The following MYH16 variants were observed in gnomAD, a reference collection of about 807,000 sequenced individuals.
MYH16 encodes the protein putative uncharacterized protein MYH16.
chr7:99,288,943 C>A (rs1792327080), intron 29 of MYH16, among the ~76,000 whole-genome samples: 1 of 152,022 alleles, frequency 6.6e-6, no homozygotes, highest in African/African-American at 2.4e-5. Context: ...GAAACCCTGT[C>A]TCTACAAAAA....
chr7:99,250,115 G>C (rs1366458783), intron 5 of MYH16: 3 of 152,656 alleles, frequency 2.0e-5, no homozygotes, highest in African/African-American at 7.2e-5. Context: ...CCGTCTTCAG[G>C]CTTCTGTGAC....
At chr7:99,295,590 G>A (rs147622268) in intron 33 of MYH16, among the ~76,000 whole-genome samples, 3 of 152,174 alleles carry the variant, frequency 2.0e-5, no homozygotes, top group South Asian at 2.1e-4. Context: ...CATGCTGGCC[G>A]TGAGGAGCCA....
Position 99,279,749 on chromosome 7 carries a change from C to A in MYH16, n.2887+12C>A. On this transcript the variant is annotated intron_variant and non_coding_transcript_variant, in intron 22 of 41. Coordinates refer to ENST00000439784, the Ensembl canonical transcript of MYH16. ...AGAAGGAGAAGCAGGTGAGGAGAGG[C>A]CGGGGCCCTGCCACGCTTTTCTCAG... The A allele has an allele frequency of 2.2e-6, 1 of 452,702 alleles. No individual in the cohort carries two copies. The highest frequency in any genetic ancestry group is 4.4e-6 in the Non-Finnish European group (1 of 225,770). 28.0% of individuals were successfully genotyped at this position (452,702 alleles called of 1,614,324 possible).
At chr7:99,309,369 T>C (rs563957417), downstream of MYH16, among the ~76,000 whole-genome samples, 1 of 152,316 alleles carries the variant, frequency 6.6e-6, no homozygotes, top group Admixed American at 6.5e-5. Flanking sequence ...AGTTTGGGTT[T>C]TGGCCAAAAG....
chr7:99,298,873 C>T (rs183509278), intron 36 of MYH16, among the ~76,000 whole-genome samples: 58 of 151,532 alleles, frequency 3.8e-4, no homozygotes, highest in Non-Finnish European at 6.2e-4. Flanking sequence ...CCCACTAACT[C>T]GTCATCTAGC....
At chr7:99,260,536 A>G (rs1482940905) in intron 12 of MYH16, 1 of 315,344 alleles carries the variant, frequency 3.2e-6, no homozygotes. Flanking sequence ...ATTGCATGCC[A>G]CCATTCATTG....
intron 1 of MYH16, among the ~76,000 whole-genome samples, chr7:99,242,001 C>G (rs1365138926): frequency 6.6e-6 from 1 of 152,104 alleles, no homozygotes; most frequent in African/African-American, 2.4e-5. Flanking sequence ...GCTGGGGTTA[C>G]AAGTGTGCGC....
chr7:99,243,659 A>C (rs1791693790), intron 2 of MYH16, among the ~76,000 whole-genome samples: 2 of 152,126 alleles, frequency 1.3e-5, no homozygotes, highest in South Asian at 4.1e-4. Context: ...TGTCACCCGA[A>C]AATCTTCCTC....
intron 11 of MYH16, among the ~76,000 whole-genome samples, chr7:99,258,776 G>A (rs1265091450): frequency 6.6e-6 from 1 of 151,136 alleles, no homozygotes; most frequent in East Asian, 2.0e-4. Context: ...AATCGGGTTT[G>A]GTTTTAAGAA....
At chr7:99,251,709 C>T (rs1338184204) in intron 6 of MYH16, among the ~76,000 whole-genome samples, 2 of 152,228 alleles carry the variant, frequency 1.3e-5, no homozygotes, top group African/African-American at 4.8e-5. Context: ...GTGGCACACT[C>T]CTGTAATCCC....
At chr7:99,271,395 G>A (rs1245438122) in intron 19 of MYH16, among the ~76,000 whole-genome samples, 1 of 152,182 alleles carries the variant, frequency 6.6e-6, no homozygotes, top group African/African-American at 2.4e-5. Flanking sequence ...TATAATCCCA[G>A]CTACTGGGGA....
At chr7:99,271,073 C>T (rs7795644) in exon 19 of MYH16, 8,908 of 152,672 alleles carry the variant, frequency 0.058, 310 homozygotes, top group Middle Eastern at 0.11. Flanking sequence ...GGGTGGAGTT[C>T]AAGAAGATGC....
intron 10 of MYH16, chr7:99,258,046 A>G (rs550218800): frequency 1.7e-4 from 26 of 152,578 alleles, no homozygotes; most frequent in African/African-American, 6.0e-4. Context: ...CGTGAACCAC[A>G]ATAGATGTTG....
At position 99,249,675 on chromosome 7, in the gene MYH16, C is replaced by T. The variant is rs1791787013; in HGVS notation, n.540-304C>T. ...GGTTCAAGCGATTCTGCTGCCTCAG[C>T]CTCCTGAGTAGCTGGGATTACAGGC... On this transcript the variant is annotated intron_variant and non_coding_transcript_variant, in intron 4 of 41. Coordinates refer to ENST00000439784, the Ensembl canonical transcript of MYH16. 1.3e-5 allele frequency among the ~76,000 whole-genome samples: 2 copies of T among 148,686 alleles called. 1 individual carries two copies. The highest frequency in any genetic ancestry group is 5.0e-5 in the African/African-American group (2 of 40,086).
At chr7:99,272,554 G>A (rs1055275827) in intron 19 of MYH16, among the ~76,000 whole-genome samples, 4 of 151,936 alleles carry the variant, frequency 2.6e-5, no homozygotes, top group African/African-American at 9.7e-5. Flanking sequence ...CTGGGCAACA[G>A]GAGATAGGGA....
At chr7:99,277,889 G>GTT (rs1183840437) in intron 21 of MYH16, among the ~76,000 whole-genome samples, 177 bp downstream of exon 3, 1 of 132,200 alleles carries the variant, frequency 7.6e-6, no homozygotes, top group African/African-American at 3.9e-5. Context: ...GTGTGTGTGT[G>GTT]TGTGTGTGTG....
intron 1 of MYH16, among the ~76,000 whole-genome samples, chr7:99,242,113 G>A (rs546475464): frequency 1.6e-4 from 24 of 152,180 alleles, no homozygotes; most frequent in African/African-American, 5.1e-4. Context: ...CACCCACCTC[G>A]GCCTCCCAAA....
At chr7:99,287,735 A>G (rs1183840265) in intron 28 of MYH16, 157 bp from the exon 10 acceptor site, 1 of 357,698 alleles carries the variant, frequency 2.8e-6, no homozygotes, top group East Asian at 7.4e-5. Context: ...TCCTGTGGGC[A>G]ACCCCCACCC....
At position 99,294,169 on chromosome 7, in the gene MYH16, C is replaced by A. The variant is rs1366454102; in HGVS notation, n.4282+19C>A. 1 of 451,476 alleles carries A rather than the reference C, an allele frequency of 2.2e-6. No individual in the cohort carries two copies. The highest frequency in any genetic ancestry group is 2.4e-5 in the Admixed American group (1 of 41,396). The allele number at this position is 451,476 out of a possible 1,614,324, so 28.0% of individuals were successfully genotyped here. A position where few individuals can be genotyped will look rare whatever the true frequency, so the allele number is the denominator to read the frequency against. On this transcript the variant is annotated intron_variant and non_coding_transcript_variant, in intron 33 of 41. Coordinates refer to ENST00000439784, the Ensembl canonical transcript of MYH16. ...GGAGAAGGTCAGAGAGTCAAATGCTCAAAGCTGCCTATTTACCGGGGCAGA... is the reference window on the plus strand; with the variant it reads ...GGAGAAGGTCAGAGAGTCAAATGCTAAAAGCTGCCTATTTACCGGGGCAGA...
Sources: allele counts gnomAD v4.1 joint callset (sites outside exome capture counted in the v4.1 genomes callset), GRCh38; gene constraint gnomAD v4.1.1; transcripts MANE v1.5; gene names NCBI Gene and HGNC (gene_info 2026-07-23, HGNC 2026-07-21).